PLD1: variants seen among roughly 807,000 people sequenced by gnomAD.
PLD1 encodes choline phosphatase 1.
In PLD1, 112 loss-of-function variants were observed where a neutral mutation model predicts 137.1. The observed-to-expected ratio is 0.82, with a 90% CI of 0.70 to 0.96. The LOEUF (loss-of-function observed/expected upper bound fraction) is 0.96. PLD1 is among the 40% of genes least tolerant of loss of function. PLD1 has a pLI of 0.00. For missense variants in PLD1, 1,321 were observed against 1,342.0 expected (o/e 0.98, Z 0.24); for synonymous variants, 431 against 454.7 (o/e 0.95, Z 0.66).
chr3:171,775,246 C>T (rs968719058), intron 1 of PLD1, among the ~76,000 whole-genome samples: 5 of 151,818 alleles, frequency 3.3e-5, no homozygotes, highest in African/African-American at 9.7e-5. Flanking sequence ...TTAGTTATTG[C>T]AATATCTCAA....
chr3:171,785,953 A>C (rs113714610), intron 1 of PLD1, among the ~76,000 whole-genome samples: 41 of 152,352 alleles, frequency 2.7e-4, no homozygotes, highest in African/African-American at 9.9e-4. Flanking sequence ...CCAAAGTGTT[A>C]AAGCACTAAA....
intron 1 of PLD1, among the ~76,000 whole-genome samples, chr3:171,781,760 C>T (rs1303598233): frequency 2.0e-5 from 3 of 152,188 alleles, no homozygotes; most frequent in Non-Finnish European, 2.9e-5. Context: ...GATACAGAGA[C>T]AGCACAACTC....
chr3:171,607,682 A>G (rs1732312954), intron 25 of PLD1, among the ~76,000 whole-genome samples: 1 of 152,132 alleles, frequency 6.6e-6, no homozygotes, highest in Non-Finnish European at 1.5e-5. Flanking sequence ...CAGTAGGAAA[A>G]CCACAAAAAA....
At chr3:171,652,766 ATTTTTTTTTTTTTTT>A (rs1174564536) in intron 21 of PLD1, among the ~76,000 whole-genome samples, 1 of 75,616 alleles carries the variant, frequency 1.3e-5, no homozygotes, top group African/African-American at 5.9e-5. Context: ...ACACTCAGCT[ATTTTTTTTTTTTTTT>A]TTTTTTTTTT....
At chr3:171,718,890 C>T (rs192304906) in intron 8 of PLD1, among the ~76,000 whole-genome samples, 6 of 152,130 alleles carry the variant, frequency 3.9e-5, no homozygotes, top group East Asian at 1.9e-4. Flanking sequence ...CCAATACATG[C>T]GAACTATTAT....
chr3:171,733,533 A>C, intron 5 of PLD1, 24 bp from the exon 6 acceptor site: 1 of 872,432 alleles, frequency 1.1e-6, no homozygotes, highest in Admixed American at 1.9e-5. Context: ...ATTTTAGATA[A>C]GTGTTAACAT....
At chr3:171,634,838 A>G (rs1266089898) in intron 23 of PLD1, among the ~76,000 whole-genome samples, 1 of 152,116 alleles carries the variant, frequency 6.6e-6, no homozygotes, top group Non-Finnish European at 1.5e-5. Context: ...TATAAGTAGT[A>G]CATTCACAAG....
chr3:171,725,642 T>C (rs1301104949), intron 7 of PLD1, among the ~76,000 whole-genome samples: 6 of 152,254 alleles, frequency 3.9e-5, no homozygotes, highest in Non-Finnish European at 7.3e-5. Context: ...CATAGTATTA[T>C]TTTAAAATAA....
chr3:171,670,107 A>G (rs998733186), intron 19 of PLD1, among the ~76,000 whole-genome samples: 3 of 152,246 alleles, frequency 2.0e-5, no homozygotes, highest in East Asian at 3.8e-4. Context: ...GATAGAAACT[A>G]GAAGCTGGGA....
intron 1 of PLD1, among the ~76,000 whole-genome samples, chr3:171,794,842 G>T (rs1349614186): frequency 6.6e-6 from 1 of 152,096 alleles, no homozygotes; most frequent in African/African-American, 2.4e-5. Flanking sequence ...ACTAGGCTAT[G>T]GATACAAGAG....
rs372038112 is a variant in PLD1, at chr3:171,613,415, G to A, written c.2729-983C>T. 7.2e-5 allele frequency among the ~76,000 whole-genome samples: 11 copies of A among 152,240 alleles called. No individual in the cohort carries two copies. In the South Asian group the frequency reaches 8.3e-4, roughly 11 times the overall value. ...AAAAGGCATGCCTACCAGTTCAGTA[G>A]GAAAGATGGCTTTGCTTTTGGAGTT... is the stretch of plus-strand genomic sequence containing the variant. On this transcript the variant is annotated intron_variant, in intron 24 of 26. Coordinates refer to ENST00000351298, the MANE Select transcript of PLD1 (RefSeq NM_002662.5).
chr3:171,613,808 A>G (rs1732874665), intron 24 of PLD1, among the ~76,000 whole-genome samples: 1 of 152,082 alleles, frequency 6.6e-6, no homozygotes. Context: ...GTATTCAGGA[A>G]CCTCATCACG....
chr3:171,707,302 T>G (rs1173423990), intron 11 of PLD1, among the ~76,000 whole-genome samples: 1 of 152,108 alleles, frequency 6.6e-6, no homozygotes, highest in African/African-American at 2.4e-5. Flanking sequence ...ACCCCTGAAT[T>G]TAAAAGTTAA....
intron 1 of PLD1, among the ~76,000 whole-genome samples, chr3:171,754,111 T>G (rs1201249344): frequency 6.6e-6 from 1 of 152,192 alleles, no homozygotes; most frequent in Non-Finnish European, 1.5e-5. Flanking sequence ...GTGAGTTCAT[T>G]GAGTACACTC....
chr3:171,662,227 T>C, intron 19 of PLD1, 57 bp from the exon 20 acceptor site: 1 of 950,352 alleles, frequency 1.1e-6, no homozygotes, highest in South Asian at 1.4e-5. Flanking sequence ...ACATCAGATA[T>C]ATTAATACAA....
chr3:171,649,669 C>T (rs1223408142), intron 21 of PLD1, among the ~76,000 whole-genome samples: 2 of 152,162 alleles, frequency 1.3e-5, no homozygotes, highest in Non-Finnish European at 2.9e-5. Context: ...CACTAAGCCC[C>T]GGATAACTAC....
Position 171,603,229 on chromosome 3 carries a change from A to G in PLD1, c.3074T>C (p.Leu1025Ser). 2.5e-6 allele frequency: 4 copies of G among 1,614,098 alleles called. No homozygotes were observed. The South Asian group carries it at 4.4e-5, about 18-fold the overall frequency. Residue 1025 changes from leucine to serine, a missense_variant, in exon 27 of 27, where the codon TTA (leucine) becomes TCA (serine). Leu to Ser is a moderately radical substitution (Grantham distance 145). Coordinates refer to ENST00000351298, the MANE Select transcript of PLD1 (RefSeq NM_002662.5). Reference sequence around the variant, plus strand: ...AGCTCGAATGGGATCTTCCTTAGCTAATACGGGCTTGTTTATAAAGTCTCT... The same window carrying G: ...AGCTCGAATGGGATCTTCCTTAGCTGATACGGGCTTGTTTATAAAGTCTCT... Reference protein sequence around the residue: ...QLRDFINKPVLAKEDPIRAEE... With the variant: ...QLRDFINKPVSAKEDPIRAEE...
intron 21 of PLD1, among the ~76,000 whole-genome samples, chr3:171,646,675 C>CAAAAAAAAAAA (rs77696811): frequency 1.1e-5 from 1 of 89,516 alleles, no homozygotes; most frequent in Admixed American, 1.3e-4. Context: ...AAAGAACAGA[C>CAAAAAAAAAAA]AAAAAAAAAA....
intron 1 of PLD1, among the ~76,000 whole-genome samples, chr3:171,807,379 A>T (rs534740064): frequency 1.2e-4 from 19 of 152,316 alleles, no homozygotes; most frequent in African/African-American, 4.6e-4. Flanking sequence ...AAAGCCTGCA[A>T]CACAACCATT....
Sources: gnomAD v4.1 joint callset for allele counts (sites outside exome capture counted in the v4.1 genomes callset) on GRCh38, gnomAD v4.1.1 for gene constraint, MANE v1.5 for transcripts, NCBI Gene and HGNC (gene_info 2026-07-23, HGNC 2026-07-21) for gene names.